The following SLC22A17 variants were observed in gnomAD, a reference collection of about 807,000 sequenced individuals.
The protein encoded by SLC22A17 is solute carrier family 22 member 17.
SLC22A17 carries 38 observed loss-of-function variants against 53.6 expected under a neutral mutation model. The ratio of observed to expected loss-of-function variants is 0.71; its 90% CI spans 0.55 to 0.93. The LOEUF is 0.93. SLC22A17 is among the 40% of genes least tolerant of loss of function. SLC22A17 has a pLI of 0.00. For missense variants in SLC22A17, 704 were observed against 791.0 expected, an observed-to-expected ratio of 0.89 and a Z score of 1.32; for synonymous variants, 379 against 353.0, an observed-to-expected ratio of 1.07 and a Z score of -0.82.
chr14:23,351,999 C>CT lies in SLC22A17; in HGVS notation c.548dup (p.Asp184GlyfsTer5). The CT allele has an allele frequency of 6.2e-7, 1 of 1,612,662 alleles. No homozygotes were observed. The highest frequency in any genetic ancestry group is 8.5e-7 in the Non-Finnish European group (1 of 1,179,312). The stretch of plus-strand genomic sequence containing the variant: ...CAGGAAGGCCATTATAGTCCCAATC[C>CT]TTGAGGCAATGGTTGAAGTCCGGCG... On this transcript the variant is annotated frameshift_variant, in exon 2 of 10. Transcript: ENST00000397267. LOFTEE classifies it high-confidence loss of function.
rs1474007681 is a variant in SLC22A17, at chr14:23,347,191, G to A, written c.1571C>T (p.Thr524Ile). The A allele has an allele frequency of 2.5e-6, 4 of 1,613,792 alleles. No homozygotes were observed. In the Admixed American group the frequency reaches 6.7e-5, roughly 27 times the overall value. ...GAAGAGCCCAAGGACAGAGAAAGTG[G>A]TGATGGCAGCCTCGTTCAGATCTGC... Residue 524 changes from threonine to isoleucine, a missense_variant, in exon 9 of 10, where the codon ACC becomes ATC. Thr to Ile is a moderately conservative substitution (Grantham distance 89). Transcript: ENST00000397267. This position sits in a 1 kb window ranked among gnomAD's most constrained non-coding sequence, Gnocchi z 5.1.
chr14:23,346,526 G>A (rs971791203), exon 10 of SLC22A17: 18 of 1,264,988 alleles, frequency 1.4e-5, no homozygotes, highest in Admixed American at 5.9e-5. Flanking sequence ...AGCTCTCCGC[G>A]ATGGCTGGCG....
chr14:23,347,449 G>A lies in SLC22A17; in HGVS notation c.1549+11C>T, dbSNP rs989847913. The A allele has an allele frequency of 2.5e-6, 4 of 1,611,794 alleles. No homozygotes were observed. The highest frequency in any genetic ancestry group is 3.4e-6 in the Non-Finnish European group (4 of 1,178,566). On this transcript the variant is annotated intron_variant, in intron 8 of 9. Coordinates refer to ENST00000397267, the Ensembl canonical transcript of SLC22A17. The surrounding 1 kb of genome is among the most constrained non-coding windows in gnomAD (Gnocchi z 5.1). The stretch of plus-strand genomic sequence containing the variant: ...TGTGCCAGAAGAAATGGCTGTGCCT[G>A]TCTGAAGCACCTCTGTTGGGGTTCC...
chr14:23,349,243 G>T, intron 4 of SLC22A17, 29 bp downstream of exon 4: 1 of 1,613,968 alleles, frequency 6.2e-7, no homozygotes, highest in Non-Finnish European at 8.5e-7. Flanking sequence ...GAGACCCAAG[G>T]GAGGGAATTC....
At position 23,347,664 on chromosome 14, in the gene SLC22A17, A is replaced by G. The variant is rs1473596620; in HGVS notation, c.1345T>C (p.Tyr449His). The G allele has an allele frequency of 1.2e-6, 2 of 1,614,036 alleles. No individual in the cohort carries two copies. The highest frequency in any genetic ancestry group is 1.7e-6 in the Non-Finnish European group (2 of 1,180,008). ...CCGCTGGCCAGCAGAGAGCACAGGT[A>G]GAAGTCCGATGGGCTCCCTCCTCCT... is the stretch of plus-strand genomic sequence containing the variant. The change falls in exon 8 of 10, where the codon TAC becomes CAC. Residue 449 changes from tyrosine (Y) to histidine (H), a missense_variant. Tyr to His is a moderately conservative substitution (Grantham distance 83). This residue lies in a region of SLC22A17 where 435 missense variants were observed against 529.0 expected (regional missense o/e 0.82). Transcript: ENST00000397267. The surrounding 1 kb of genome is among the most constrained non-coding windows in gnomAD (Gnocchi z 5.1).
rs549062123 is a variant in SLC22A17 at position 23,348,374 on chromosome 14, C to T, written c.1026-68G>A. The T allele has an allele frequency of 7.4e-5, 119 of 1,597,620 alleles. No individual in the cohort carries two copies. The African/African-American group carries it at 1.5e-3, about 20-fold the overall frequency. The stretch of plus-strand genomic sequence containing the variant: ...TCCTGATCTAGGGGTGGGAAATGTG[C>T]ACCTCTGAGGGACTGGGGCTGGGGT... On this transcript the variant is annotated intron_variant, in intron 5 of 9. Transcript: ENST00000397267. The surrounding 1 kb of genome is among the most constrained non-coding windows in gnomAD (Gnocchi z 4.5).
At chr14:23,346,791 G>A in exon 10 of SLC22A17, 1 of 1,542,888 alleles carries the variant, frequency 6.5e-7, no homozygotes. Context: ...TCCGGCAGCA[G>A]CATAATGCTG....
rs938048134 is a variant in SLC22A17, at chr14:23,352,403, C to A, written c.145G>T (p.Glu49Ter). ...TCCCCCTCCCGCTCGCGCTCCCGCT[C>A]ACCCTGCAGCTGCTCCGTGGGCACC... The change falls in exon 2 of 10, where the codon GAG (glutamate) becomes TAG (stop). Residue 49 changes from glutamate to a stop codon, truncating the protein, a stop_gained. Transcript: ENST00000397267. LOFTEE classifies it high-confidence loss of function. This position sits in a 1 kb window ranked among gnomAD's most constrained non-coding sequence, Gnocchi z 7.2. The A allele has an allele frequency of 5.4e-6, 3 of 558,888 alleles. No homozygotes were observed. Among genetic ancestry groups the A allele is most frequent in the Non-Finnish European group, 8.8e-6 (3 of 342,050 alleles). 34.6% of individuals were successfully genotyped at this position (558,888 alleles called of 1,614,324 possible). A position where few individuals can be genotyped will look rare whatever the true frequency, so the allele number is the denominator to read the frequency against.
In SLC22A17 at chr14:23,347,765, C is replaced by A. The variant is rs1889320971; in HGVS notation, c.1278-34G>T. 1.2e-6 allele frequency: 2 copies of A among 1,610,380 alleles called. No individual in the cohort carries two copies. Among genetic ancestry groups the A allele is most frequent in the Admixed American group, 3.3e-5 (2 of 59,904 alleles). ...AGGGGTGGGGAAGCAACGAACAGAG[C>A]CTGAATCCCCTCCCGCAGCCTTCTA... On this transcript the variant is annotated intron_variant, in intron 7 of 9. Transcript: ENST00000397267. This position sits in a 1 kb window ranked among gnomAD's most constrained non-coding sequence, Gnocchi z 5.1.
In SLC22A17 at chr14:23,348,751, G is replaced by A; in HGVS notation, c.860-80C>T. 1.4e-6 allele frequency: 2 copies of A among 1,419,968 alleles called. No homozygotes were observed. Among genetic ancestry groups the A allele is most frequent in the Non-Finnish European group, 9.4e-7 (1 of 1,060,190 alleles). 88.0% of individuals were successfully genotyped at this position (1,419,968 alleles called of 1,614,324 possible). On this transcript the variant is annotated intron_variant, in intron 4 of 9. Coordinates refer to ENST00000397267, the Ensembl canonical transcript of SLC22A17. This position sits in a 1 kb window ranked among gnomAD's most constrained non-coding sequence, Gnocchi z 4.5. ...ATAAGAGAGAAGAAGAAAGAGGGAGGGAGGAGGACAGAGAGAGAGGTCAGA... is the reference window on the plus strand; with the variant it reads ...ATAAGAGAGAAGAAGAAAGAGGGAGAGAGGAGGACAGAGAGAGAGGTCAGA...
chr14:23,346,652 A>G (rs1889199529), exon 10 of SLC22A17: 1 of 1,487,202 alleles, frequency 6.7e-7, no homozygotes, highest in Non-Finnish European at 8.9e-7. Flanking sequence ...GGCCGCTCAG[A>G]GGGCAGGGTT....
At chr14:23,346,521 T>A in exon 10 of SLC22A17, 1 of 1,242,256 alleles carries the variant, frequency 8.0e-7, no homozygotes, top group Non-Finnish European at 1.1e-6. Context: ...CTCTGAGCTC[T>A]CCGCGATGGC....
In SLC22A17 at chr14:23,352,023, C is replaced by T. The variant is rs747617414; in HGVS notation, c.525G>A (p.Pro175=). ...CCTTGAGGCAATGGTTGAAGTCCGG[C>T]GGGGCGAAGCCGCTGCACGAGGGGT... Residue 175 remains proline, a synonymous_variant, in exon 2 of 10, where the codon CCG becomes CCA. Coordinates refer to ENST00000397267, the Ensembl canonical transcript of SLC22A17. This position sits in a 1 kb window ranked among gnomAD's most constrained non-coding sequence, Gnocchi z 7.2. 15 of 1,609,958 alleles carry T rather than the reference C, an allele frequency of 9.3e-6. No individual in the cohort carries two copies. The South Asian group carries it at 1.5e-4, about 17-fold the overall frequency.
Position 23,348,281 on chromosome 14 carries a change from C to A in SLC22A17, c.1051G>T (p.Ala351Ser). 6.2e-7 allele frequency: 1 copy of A among 1,614,058 alleles called. No individual in the cohort carries two copies. The highest frequency in any genetic ancestry group is 8.5e-7 in the Non-Finnish European group (1 of 1,179,982). Reference sequence around the variant, plus strand: ...TGCCGCTTCACTATCAGCCACCGTGCGGACTCCAGGAACAAACCAGGCCAG... The same window carrying A: ...TGCCGCTTCACTATCAGCCACCGTGAGGACTCCAGGAACAAACCAGGCCAG... Residue 351 changes from alanine to serine, a missense_variant, in exon 6 of 10, where the codon GCA (alanine) becomes TCA (serine). Transcript: ENST00000397267. The surrounding 1 kb of genome is among the most constrained non-coding windows in gnomAD (Gnocchi z 4.5).
At position 23,347,641 on chromosome 14, in the gene SLC22A17, G is replaced by A. The variant is rs752363135; in HGVS notation, c.1368C>T (p.Ser456=). ...AGACACAGGCCAGGGCTGCGGTGCC[G>A]CTGGCCAGCAGAGAGCACAGGTAGA... Residue 456 remains serine (S), a synonymous_variant, in exon 8 of 10, where the codon AGC becomes AGT. Transcript: ENST00000397267. This position sits in a 1 kb window ranked among gnomAD's most constrained non-coding sequence, Gnocchi z 5.1. 2.2e-5 allele frequency: 36 copies of A among 1,613,878 alleles called. No individual in the cohort carries two copies. Among genetic ancestry groups the A allele is most frequent in the South Asian group, 1.9e-4 (17 of 91,088 alleles).
Position 23,347,361 on chromosome 14 carries a change from T to C in SLC22A17, c.1549+99A>G. The C allele has an allele frequency of 6.6e-7, 1 of 1,519,098 alleles. No individual in the cohort carries two copies. Among genetic ancestry groups the C allele is most frequent in the Non-Finnish European group, 8.9e-7 (1 of 1,124,046 alleles). 94.1% of individuals were successfully genotyped at this position (1,519,098 alleles called of 1,614,324 possible). A position where few individuals can be genotyped will look rare whatever the true frequency, so the allele number is the denominator to read the frequency against. ...AATTGACTGGGAGAGCAGATGGGGC[T>C]GTGGGGCCAGGTGGAGGCTCGTGGA... On this transcript the variant is annotated intron_variant, in intron 8 of 9. Coordinates refer to ENST00000397267, the Ensembl canonical transcript of SLC22A17. The surrounding 1 kb of genome is among the most constrained non-coding windows in gnomAD (Gnocchi z 5.1).
chr14:23,346,981 G>T (rs369296449), intron 9 of SLC22A17, 45 bp from the exon 10 acceptor site: 30 of 1,500,078 alleles, frequency 2.0e-5, no homozygotes, highest in Middle Eastern at 4.8e-4. Flanking sequence ...CTGTAGCCTT[G>T]CTGGGCCCTT....
In SLC22A17 at chr14:23,351,918, C is replaced by T. The variant is rs780029661; in HGVS notation, c.600+30G>A. On this transcript the variant is annotated intron_variant, in intron 2 of 9. Coordinates refer to ENST00000397267, the Ensembl canonical transcript of SLC22A17. ...CGCCCTCGCCGCTCTCTGCCCGCCCCCAGACCCGCGGCCCGCCTGGCCGCC... is the reference window on the plus strand; with the variant it reads ...CGCCCTCGCCGCTCTCTGCCCGCCCTCAGACCCGCGGCCCGCCTGGCCGCC... The T allele has an allele frequency of 3.1e-6, 5 of 1,611,804 alleles. No homozygotes were observed. In the African/African-American group the frequency reaches 4.0e-5, roughly 13 times the overall value.
At chr14:23,346,834 C>G in exon 10 of SLC22A17, 1 of 1,540,162 alleles carries the variant, frequency 6.5e-7, no homozygotes, top group Non-Finnish European at 8.7e-7. Flanking sequence ...CCGCCAGCAC[C>G]ACGTGCTGCA....
Sources: allele counts gnomAD v4.1 joint callset, GRCh38; gene constraint gnomAD v4.1.1; regional missense constraint gnomAD v4.1.1; non-coding constraint Gnocchi (gnomAD v3.1); transcripts MANE v1.5; gene names NCBI Gene and HGNC (gene_info 2026-07-23, HGNC 2026-07-21).